Variants in PCDH11Y observed in about 807,000 individuals in gnomAD.
PCDH11Y encodes protocadherin-11 Y-linked.
For missense variants in PCDH11Y, 12 were observed against 224.8 expected (o/e 0.05, Z 6.05); for synonymous variants, 9 against 83.6 (o/e 0.11, Z 4.87).
chrY:5,318,864 T>G, intron 2 of PCDH11Y, among the ~76,000 whole-genome samples: 1 of 32,263 alleles, frequency 3.1e-5, no homozygotes. Flanking sequence ...TGACTTTTCT[T>G]TGCAAACCAT....
At chrY:5,181,331 T>C in intron 2 of PCDH11Y, among the ~76,000 whole-genome samples, 1 of 31,754 alleles carries the variant, frequency 3.1e-5, no homozygotes, top group African/African-American at 1.2e-4. Flanking sequence ...CTGGCCTTTC[T>C]CTCTAGCTGC....
chrY:5,034,026 T>G, intron 3 of PCDH11Y, among the ~76,000 whole-genome samples: 1 of 33,117 alleles, frequency 3.0e-5, no homozygotes, highest in South Asian at 6.7e-4. Context: ...AAGTTCTCCA[T>G]CTTTGTTGTC....
At chrY:5,407,125 C>G in intron 2 of PCDH11Y, among the ~76,000 whole-genome samples, 1 of 32,328 alleles carries the variant, frequency 3.1e-5, no homozygotes, top group African/African-American at 1.2e-4. Context: ...TTATTCAATT[C>G]CTTCAATTTG....
chrY:5,396,233 C>G (rs62608360), intron 2 of PCDH11Y, among the ~76,000 whole-genome samples: 5 of 16,199 alleles, frequency 3.1e-4, no homozygotes, highest in Middle Eastern at 0.031. Flanking sequence ...GATTACAGGC[C>G]TGATCCACTG....
chrY:5,086,161 CACTA>C (rs2052730188), intron 1 of PCDH11Y, among the ~76,000 whole-genome samples: 1 of 30,861 alleles, frequency 3.2e-5, no homozygotes, highest in Non-Finnish European at 7.8e-5. Context: ...TCTTCAAGCT[CACTA>C]ACTTTTTCTT....
At chrY:5,678,265 G>C in intron 4 of PCDH11Y, among the ~76,000 whole-genome samples, 1 of 32,549 alleles carries the variant, frequency 3.1e-5, no homozygotes, top group Non-Finnish European at 7.5e-5. Context: ...GATTTTACTT[G>C]TCATTGATTC....
intron 2 of PCDH11Y, among the ~76,000 whole-genome samples, chrY:5,419,031 A>G (rs2053255590): frequency 6.0e-5 from 2 of 33,438 alleles, no homozygotes; most frequent in South Asian, 6.6e-4. Context: ...AGCCTATCCA[A>G]TATTCTTTCC....
chrY:5,011,400 C>A, intron 1 of PCDH11Y, among the ~76,000 whole-genome samples: 1 of 33,675 alleles, frequency 3.0e-5, no homozygotes, highest in Non-Finnish European at 7.4e-5. Flanking sequence ...TAGTATAGAC[C>A]CCTAAAGATA....
At chrY:5,508,567 GC>G (rs2053361217) in intron 3 of PCDH11Y, among the ~76,000 whole-genome samples, 1 of 33,172 alleles carries the variant, frequency 3.0e-5, no homozygotes, top group South Asian at 6.6e-4. Flanking sequence ...TTCTTCTCTT[GC>G]AATTTGTATA....
At chrY:5,717,006 T>C in intron 4 of PCDH11Y, among the ~76,000 whole-genome samples, 1 of 33,074 alleles carries the variant, frequency 3.0e-5, no homozygotes. Context: ...CAATAAATAG[T>C]GCTGGGAAAA....
intron 3 of PCDH11Y, among the ~76,000 whole-genome samples, chrY:5,509,217 C>A: frequency 3.1e-5 from 1 of 32,367 alleles, no homozygotes; most frequent in Non-Finnish European, 7.6e-5. Context: ...TACAATATAT[C>A]CAAATGGAGA....
chrY:5,123,002 C>T (rs2052820437), intron 2 of PCDH11Y, among the ~76,000 whole-genome samples: 33 of 32,720 alleles, frequency 1.0e-3, no homozygotes, highest in African/African-American at 3.4e-3. Flanking sequence ...GCAAGTAAGG[C>T]GATTTCAGAA....
chrY:5,108,616 G>A (rs2052798616), downstream of PCDH11Y, among the ~76,000 whole-genome samples: 5 of 30,032 alleles, frequency 1.7e-4, no homozygotes, highest in African/African-American at 2.6e-4. Flanking sequence ...GCGTGGTGGC[G>A]GGCGCCTGTA....
intron 1 of PCDH11Y, among the ~76,000 whole-genome samples, chrY:5,067,986 C>G: frequency 5.3e-5 from 1 of 18,736 alleles, no homozygotes; most frequent in African/African-American, 2.2e-4. Context: ...GCACTCCAGC[C>G]TGGGCGACAG....
intron 3 of PCDH11Y, among the ~76,000 whole-genome samples, chrY:5,519,246 TG>T (rs2053376600): frequency 6.3e-5 from 2 of 31,584 alleles, no homozygotes; most frequent in Non-Finnish European, 1.5e-4. Flanking sequence ...AAAAATTAGC[TG>T]GGCGTGGTGG....
intron 3 of PCDH11Y, among the ~76,000 whole-genome samples, chrY:5,505,750 A>C: frequency 3.1e-5 from 1 of 32,517 alleles, no homozygotes; most frequent in Non-Finnish European, 7.7e-5. Context: ...GGAAGTAATT[A>C]ATCTTTCCCT....
At chrY:5,448,061 T>C in intron 2 of PCDH11Y, among the ~76,000 whole-genome samples, 1 of 31,513 alleles carries the variant, frequency 3.2e-5, no homozygotes, top group Admixed American at 3.0e-4. Context: ...TTGGCTGCCT[T>C]GGAAAGTCTC....
intron 3 of PCDH11Y, among the ~76,000 whole-genome samples, chrY:5,540,766 C>A (rs2053405641): frequency 5.6e-5 from 2 of 35,409 alleles, no homozygotes; most frequent in Non-Finnish European, 1.4e-4. Flanking sequence ...TAATAACACT[C>A]TTCCAATGGA....
At chrY:5,173,933 C>G (rs1602880113) in intron 2 of PCDH11Y, among the ~76,000 whole-genome samples, 11 of 28,345 alleles carry the variant, frequency 3.9e-4, no homozygotes, top group African/African-American at 1.2e-3. Flanking sequence ...CCATAGCTTA[C>G]CACCCACTTA....
Sources: allele counts gnomAD v4.1 joint callset (sites outside exome capture counted in the v4.1 genomes callset), GRCh38; gene constraint gnomAD v4.1.1; transcripts MANE v1.5; gene names NCBI Gene and HGNC (gene_info 2026-07-23, HGNC 2026-07-21).